Variants in CAVIN1 observed in about 807,000 individuals in gnomAD.
CAVIN1 encodes caveolae associated protein 1.
In CAVIN1, 16 loss-of-function variants were observed where a neutral mutation model predicts 24.0. That is an observed-to-expected ratio of 0.67 (90% CI 0.45 to 1.01). CAVIN1 has a LOEUF of 1.01. Ranked by LOEUF, CAVIN1 falls within the 50% of genes least tolerant of loss-of-function variation. The pLI, the probability that CAVIN1 is intolerant of heterozygous loss-of-function variation, is 0.00. For synonymous variants in CAVIN1, 256 were observed against 256.4 expected, an observed-to-expected ratio of 1.00 and a Z score of 0.02; for missense variants, 510 against 551.7, an observed-to-expected ratio of 0.92 and a Z score of 0.76.
At chr17:42,405,534 G>A (rs2085439084) in intron 1 of CAVIN1, 146 bp from the exon 2 acceptor site, 2 of 809,622 alleles carry the variant, frequency 2.5e-6, no homozygotes, top group Non-Finnish European at 4.2e-6. Context: ...ATAAATGTGT[G>A]TAGGCTCACG....
chr17:42,415,810 T>C (rs942392705), intron 1 of CAVIN1, among the ~76,000 whole-genome samples: 15 of 152,170 alleles, frequency 9.9e-5, no homozygotes, highest in South Asian at 2.1e-4. Context: ...CACAATGTTA[T>C]ATTTCCAAAA....
chr17:42,407,922 C>T (rs917935076), intron 1 of CAVIN1, among the ~76,000 whole-genome samples: 1 of 152,108 alleles, frequency 6.6e-6, no homozygotes, highest in Non-Finnish European at 1.5e-5. Context: ...CCTTACCCTG[C>T]CTGCTACTGG....
intron 1 of CAVIN1, among the ~76,000 whole-genome samples, chr17:42,412,469 C>T (rs541278588): frequency 7.5e-5 from 11 of 147,362 alleles, no homozygotes; most frequent in African/African-American, 2.5e-4. Context: ...TCATAGCTCA[C>T]TGCAGCCTCC....
chr17:42,405,691 T>TTTTTG lies in CAVIN1; in HGVS notation c.472-304_472-303insCAAAA, dbSNP rs764921292. 8.2e-3 allele frequency among the ~76,000 whole-genome samples: 465 copies of TTTTTG among 56,520 alleles called. 11 individuals carry two copies. In the East Asian group the frequency reaches 0.089, roughly 11 times the overall value. 37.1% of individuals were successfully genotyped at this position (56,520 alleles called of 152,430 possible). ...CTCTCTCTCTCTCCTTGTTTTTTTT[T>TTTTTG]TTTTTTTTTTTTTTAAACGGAGTCT... On this transcript the variant is annotated intron_variant, in intron 1 of 1. Coordinates refer to ENST00000357037, the MANE Select transcript of CAVIN1 (RefSeq NM_012232.6).
chr17:42,406,067 G>C (rs2085444866), intron 1 of CAVIN1, among the ~76,000 whole-genome samples: 1 of 152,172 alleles, frequency 6.6e-6, no homozygotes, highest in Non-Finnish European at 1.5e-5. Context: ...ACCAAACTTC[G>C]GGTCGGAGAT....
At chr17:42,408,046 C>T (rs535125885) in intron 1 of CAVIN1, among the ~76,000 whole-genome samples, 1 of 151,990 alleles carries the variant, frequency 6.6e-6, no homozygotes, top group Non-Finnish European at 1.5e-5. Flanking sequence ...AAAAATTCAG[C>T]TCTGATCTTT....
intron 1 of CAVIN1, among the ~76,000 whole-genome samples, chr17:42,415,470 T>A (rs773940273): frequency 1.3e-5 from 2 of 152,168 alleles, no homozygotes; most frequent in Non-Finnish European, 2.9e-5. Flanking sequence ...CCCAGCACTT[T>A]GGGAGGCTGA....
intron 1 of CAVIN1, among the ~76,000 whole-genome samples, chr17:42,420,066 T>C (rs1026079830): frequency 1.4e-5 from 2 of 144,302 alleles, no homozygotes; most frequent in Non-Finnish European, 3.1e-5. Flanking sequence ...GGCCTTCCCA[T>C]CCCTTGGTGT....
At chr17:42,408,335 A>T (rs2085457355) in intron 1 of CAVIN1, among the ~76,000 whole-genome samples, 1 of 151,240 alleles carries the variant, frequency 6.6e-6, no homozygotes, top group Admixed American at 6.6e-5. Flanking sequence ...GTGGCTTCCT[A>T]GATAAAGGTC....
Position 42,405,074 on chromosome 17 carries a change from G to A in CAVIN1, c.786C>T (p.Asn262=). ...CCAGGGTGTGCCGCGTCTTCTCCAGGTTTTCCTTGGTCTTGAGGCGCGTCT... is the reference window on the plus strand; with the variant it reads ...CCAGGGTGTGCCGCGTCTTCTCCAGATTTTCCTTGGTCTTGAGGCGCGTCT... ...LEKTRLKTKE[N]LEKTRHTLEK... is the part of the protein sequence containing the mutation. The change falls in exon 2 of 2, where the codon AAC becomes AAT. Residue 262 remains asparagine (N), a synonymous_variant. Transcript: ENST00000357037. 1 of 1,614,142 alleles carries A rather than the reference G, an allele frequency of 6.2e-7. No homozygotes were observed. Among genetic ancestry groups the A allele is most frequent in the Non-Finnish European group, 8.5e-7 (1 of 1,180,020 alleles).
intron 1 of CAVIN1, among the ~76,000 whole-genome samples, chr17:42,417,222 G>A (rs1182239261): frequency 1.3e-5 from 2 of 152,168 alleles, no homozygotes; most frequent in Non-Finnish European, 2.9e-5. Context: ...GGGAGGCCAA[G>A]GCAGGTGGAT....
In CAVIN1 at chr17:42,403,156, C is replaced by T. The variant is rs1360433450; in HGVS notation, c.*1531G>A. 1 of 152,422 alleles carries T rather than the reference C, an allele frequency of 6.6e-6. No individual in the cohort carries two copies. Among genetic ancestry groups the T allele is most frequent in the Non-Finnish European group, 1.5e-5 (1 of 68,264 alleles). 9.4% of individuals were successfully genotyped at this position (152,422 alleles called of 1,614,324 possible). On this transcript the variant is annotated 3_prime_UTR_variant, in exon 2 of 2. Transcript: ENST00000357037. Reference sequence around the variant, plus strand: ...CCTCATAGCTCACTGCAGCCTCAAACTCCTGGGCTCTGGCGATCCTCCCGC... The same window carrying T: ...CCTCATAGCTCACTGCAGCCTCAAATTCCTGGGCTCTGGCGATCCTCCCGC...
In CAVIN1 at chr17:42,423,198, A is replaced by G; in HGVS notation, c.-101T>C. On this transcript the variant is annotated 5_prime_UTR_variant, in exon 1 of 2. Coordinates refer to ENST00000357037, the MANE Select transcript of CAVIN1 (RefSeq NM_012232.6). ...GAAGGGAGGAGAGCTAGCGGGCGAGAGCGGAGAGCAGAGGAAACTCGAGCC... is the reference window on the plus strand; with the variant it reads ...GAAGGGAGGAGAGCTAGCGGGCGAGGGCGGAGAGCAGAGGAAACTCGAGCC... The G allele has an allele frequency of 2.0e-6, 2 of 984,934 alleles. No homozygotes were observed. 61.0% of individuals were successfully genotyped at this position (984,934 alleles called of 1,614,324 possible).
intron 1 of CAVIN1, among the ~76,000 whole-genome samples, chr17:42,414,564 G>A (rs1200163362): frequency 6.6e-6 from 1 of 152,046 alleles, no homozygotes; most frequent in Admixed American, 6.6e-5. Flanking sequence ...TATGACAGGT[G>A]AGCCTATGTC....
chr17:42,408,873 C>T (rs9709260), intron 1 of CAVIN1, among the ~76,000 whole-genome samples: 1 of 146,972 alleles, frequency 6.8e-6, no homozygotes, highest in Non-Finnish European at 1.5e-5. Context: ...TCACTGCAAC[C>T]TCTGCCTCCT....
Position 42,404,955 on chromosome 17 carries a change from G to A in CAVIN1, c.905C>T (p.Thr302Met), listed in dbSNP as rs754376801. The change falls in exon 2 of 2, where the codon ACG becomes ATG. Residue 302 changes from threonine to methionine, a missense_variant. Coordinates refer to ENST00000357037, the MANE Select transcript of CAVIN1 (RefSeq NM_012232.6). ...GCGCGCGTACACCACGTGGTCGGGC[G>A]TGAAGGATTTGCGCAACTTGTCCCG... ...TSRDKLRKSFTPDHVVYARSK... is the reference protein window; with the variant it reads ...TSRDKLRKSFMPDHVVYARSK... 6.9e-5 allele frequency: 111 copies of A among 1,614,002 alleles called. 1 individual carries two copies. Among genetic ancestry groups the A allele is most frequent in the Middle Eastern group, 3.3e-4 (2 of 6,084 alleles).
intron 1 of CAVIN1, among the ~76,000 whole-genome samples, chr17:42,406,535 T>C (rs897305298): frequency 2.0e-5 from 3 of 152,034 alleles, no homozygotes; most frequent in African/African-American, 7.2e-5. Context: ...CCACCACACC[T>C]GGCTAATTTT....
rs746945930 is a variant in CAVIN1 at position 42,422,613 on chromosome 17, C to T, written c.471+14G>A. 7.1e-6 allele frequency: 11 copies of T among 1,554,458 alleles called. No homozygotes were observed. In the South Asian group the frequency reaches 9.4e-5, roughly 13 times the overall value. The stretch of plus-strand genomic sequence containing the variant: ...GCGCGGGAGCTCTGGGCGCCTTCCG[C>T]CCTGTGGGCTCACCTGGTAGATCAT... On this transcript the variant is annotated intron_variant, in intron 1 of 1. Coordinates refer to ENST00000357037, the MANE Select transcript of CAVIN1 (RefSeq NM_012232.6).
chr17:42,422,494 G>T, intron 1 of CAVIN1, 133 bp downstream of exon 1: 1 of 624,142 alleles, frequency 1.6e-6, no homozygotes, highest in Non-Finnish European at 2.8e-6. Flanking sequence ...CGGAAGGAGG[G>T]TGGATCTGCC....
Sources: allele counts gnomAD v4.1 joint callset (sites outside exome capture counted in the v4.1 genomes callset), GRCh38; gene constraint gnomAD v4.1.1; transcripts MANE v1.5; gene names NCBI Gene and HGNC (gene_info 2026-07-23, HGNC 2026-07-21).